STAG1: variants seen among roughly 807,000 people sequenced by gnomAD.
The protein encoded by STAG1 is STAG1 cohesin complex component, also known as cohesin subunit SA-1.
A neutral mutation model predicts 170.9 loss-of-function variants in STAG1; 26 were observed. The ratio of observed to expected loss-of-function variants is 0.15; its 90% CI spans 0.11 to 0.21. STAG1 has a LOEUF of 0.21. Among genes scored for constraint, STAG1 ranks in the 10% least tolerant of loss-of-function variants. The pLI, the probability that STAG1 is intolerant of heterozygous loss-of-function variation, is 1.00. For missense variants in STAG1, 964 were observed against 1,509.5 expected (o/e 0.64, Z 5.99); for synonymous variants, 514 against 497.7 (o/e 1.03, Z -0.44).
chr3:136,724,366 G>A (rs1933534932), intron 1 of STAG1, among the ~76,000 whole-genome samples: 1 of 151,226 alleles, frequency 6.6e-6, no homozygotes, highest in Admixed American at 6.6e-5. Context: ...GATTAAGGGT[G>A]GTGCAAGATG....
intron 1 of STAG1, among the ~76,000 whole-genome samples, chr3:136,700,716 C>T (rs1380319098): frequency 1.3e-5 from 2 of 151,510 alleles, no homozygotes; most frequent in African/African-American, 2.4e-5. Flanking sequence ...GACCATAGAG[C>T]TAGCCACAGA....
rs563051123 is a variant in STAG1, at chr3:136,596,020, C to T, written c.297+8289G>A. On this transcript the variant is annotated intron_variant, in intron 4 of 33. Transcript: ENST00000383202. ...CATTTCCTGTTTCTAAATTAAGAAA[C>T]GTCTTCTGCTACTGCCTACTAAACT... 2.6e-5 allele frequency among the ~76,000 whole-genome samples: 4 copies of T among 152,200 alleles called. No homozygotes were observed. In the South Asian group the frequency reaches 8.3e-4, roughly 32 times the overall value.
At chr3:136,601,512 C>T (rs868132311) in intron 4 of STAG1, among the ~76,000 whole-genome samples, 2 of 151,918 alleles carry the variant, frequency 1.3e-5, no homozygotes, top group Middle Eastern at 3.2e-3. Context: ...AAATAAGAAA[C>T]AAAAAGTTTC....
intron 8 of STAG1, among the ~76,000 whole-genome samples, chr3:136,500,878 A>C (rs1482100804): frequency 2.0e-5 from 3 of 152,146 alleles, no homozygotes; most frequent in African/African-American, 7.2e-5. Flanking sequence ...AGGCAACAAA[A>C]CTGATCAGAG....
chr3:136,406,260 C>T (rs2087481155), intron 21 of STAG1, among the ~76,000 whole-genome samples: 1 of 152,172 alleles, frequency 6.6e-6, no homozygotes, highest in Non-Finnish European at 1.5e-5. Context: ...AAAAACATTA[C>T]TTTCAGGAAG....
chr3:136,639,772 A>G (rs769411670), intron 1 of STAG1, among the ~76,000 whole-genome samples: 13 of 152,232 alleles, frequency 8.5e-5, no homozygotes, highest in African/African-American at 3.1e-4. Context: ...TACCACAGCC[A>G]TAAGAAAAAA....
chr3:136,714,952 TA>T lies in STAG1; in HGVS notation c.-84+37242del, dbSNP rs1220552336. 4.5e-3 allele frequency among the ~76,000 whole-genome samples: 342 copies of T among 75,174 alleles called. 2 individuals carry two copies. The highest frequency in any genetic ancestry group is 8.3e-3 in the Non-Finnish European group (266 of 32,056). 49.3% of individuals were successfully genotyped at this position (75,174 alleles called of 152,430 possible). On this transcript the variant is annotated intron_variant, in intron 1 of 33. Coordinates refer to ENST00000383202, the MANE Select transcript of STAG1 (RefSeq NM_005862.3). ...TATATATATTAAATATATATATATA[TA>T]TATATATATATTTTATATATATATT...
At chr3:136,344,380 C>A (rs1315583467) in intron 29 of STAG1, among the ~76,000 whole-genome samples, 1 of 152,072 alleles carries the variant, frequency 6.6e-6, no homozygotes, top group Non-Finnish European at 1.5e-5. Context: ...TTTGTTCAAG[C>A]AATAAAGGGC....
At chr3:136,375,145 T>C (rs1333431150) in intron 23 of STAG1, among the ~76,000 whole-genome samples, 1 of 152,194 alleles carries the variant, frequency 6.6e-6, no homozygotes, top group East Asian at 1.9e-4. Flanking sequence ...AACACATTTC[T>C]CACAATGTAT....
rs77618353 is a variant in STAG1, at chr3:136,750,643, G to C, written c.-84+1552C>G. Among the ~76,000 whole-genome samples, 1,038 of 152,320 alleles carry C rather than the reference G, an allele frequency of 6.8e-3. 15 individuals carry two copies. Among genetic ancestry groups the C allele is most frequent in the African/African-American group, 0.024 (989 of 41,564 alleles). ...GAAAATGACCACTGGTAGATCACTTGAATTAATTTAGTTTACTCGAAGTAC... is the reference window on the plus strand; with the variant it reads ...GAAAATGACCACTGGTAGATCACTTCAATTAATTTAGTTTACTCGAAGTAC... On this transcript the variant is annotated intron_variant, in intron 1 of 33. Transcript: ENST00000383202.
intron 1 of STAG1, among the ~76,000 whole-genome samples, chr3:136,681,972 G>T (rs986116567): frequency 6.6e-6 from 1 of 152,012 alleles, no homozygotes; most frequent in African/African-American, 2.4e-5. Context: ...AGAGGGCAAG[G>T]ATGGCCACAG....
chr3:136,455,650 G>C (rs1444132715), intron 13 of STAG1, among the ~76,000 whole-genome samples: 1 of 152,260 alleles, frequency 6.6e-6, no homozygotes, highest in Non-Finnish European at 1.5e-5. Context: ...ACATTGGCCA[G>C]TGGGAATGCC....
chr3:136,416,779 G>A, intron 21 of STAG1, among the ~76,000 whole-genome samples: 1 of 151,530 alleles, frequency 6.6e-6, no homozygotes, highest in East Asian at 1.9e-4. Flanking sequence ...CCAAGAAAAT[G>A]ACTAATGTTA....
At chr3:136,701,475 A>C (rs1943059266) in intron 1 of STAG1, among the ~76,000 whole-genome samples, 1 of 152,170 alleles carries the variant, frequency 6.6e-6, no homozygotes, top group Admixed American at 6.5e-5. Flanking sequence ...ACACATTTTC[A>C]GACAAATCCT....
intron 4 of STAG1, among the ~76,000 whole-genome samples, chr3:136,588,319 TTC>T (rs1937949087): frequency 6.6e-6 from 1 of 152,246 alleles, no homozygotes; most frequent in African/African-American, 2.4e-5. Context: ...TTTGGGTTTT[TTC>T]TGTTGTTGTT....
intron 1 of STAG1, among the ~76,000 whole-genome samples, chr3:136,708,478 A>T (rs1303887609): frequency 1.3e-5 from 2 of 152,128 alleles, no homozygotes; most frequent in African/African-American, 4.8e-5. Context: ...TCAAGGAAAT[A>T]GGAAGTTATT....
At chr3:136,506,476 C>CAA (rs11414654) in intron 7 of STAG1, among the ~76,000 whole-genome samples, 6,215 of 85,292 alleles carry the variant, frequency 0.073, 263 homozygotes, top group African/African-American at 0.12. Flanking sequence ...ACTAAAAATA[C>CAA]AAAAAAAAAA....
At chr3:136,597,224 T>TA (rs973161020) in intron 4 of STAG1, among the ~76,000 whole-genome samples, 4 of 152,164 alleles carry the variant, frequency 2.6e-5, no homozygotes, top group Admixed American at 1.3e-4. Context: ...TATAAACATG[T>TA]AAAAAAACTG....
chr3:136,373,092 G>A (rs376382045), intron 23 of STAG1, among the ~76,000 whole-genome samples: 2 of 152,060 alleles, frequency 1.3e-5, no homozygotes, highest in African/African-American at 2.4e-5. Flanking sequence ...TGTATGTGTC[G>A]AGGAATTTAT....
Sources: allele counts gnomAD v4.1 joint callset (sites outside exome capture counted in the v4.1 genomes callset), GRCh38; gene constraint gnomAD v4.1.1; transcripts MANE v1.5; gene names NCBI Gene and HGNC (gene_info 2026-07-23, HGNC 2026-07-21).